Variants in DMD observed in about 807,000 individuals in gnomAD.
The protein encoded by DMD is dystrophin, also known as mutant dystrophin.
In DMD, 63 loss-of-function variants were observed where a neutral mutation model predicts 330.1. That is an observed-to-expected ratio of 0.19 (90% CI 0.16 to 0.24). The LOEUF (loss-of-function observed/expected upper bound fraction) is 0.24, where lower values mean the gene tolerates loss of function less well. Among genes scored for constraint, DMD ranks in the 10% least tolerant of loss-of-function variants. The pLI is 1.00. For missense variants in DMD, 3,344 were observed against 2,684.1 expected (o/e 1.25, Z -5.43); for synonymous variants, 1,223 against 959.8 (o/e 1.27, Z -5.07).
intron 59 of DMD, among the ~76,000 whole-genome samples, chrX:31,470,835 G>T (rs993982370): frequency 8.9e-6 from 1 of 112,262 alleles, no homozygotes; most frequent in Non-Finnish European, 1.9e-5. Flanking sequence ...CTTTCTTTCA[G>T]AGATGCCCTG....
At chrX:32,322,522 C>T (rs892550924) in intron 41 of DMD, among the ~76,000 whole-genome samples, 5 of 110,489 alleles carry the variant, frequency 4.5e-5, no homozygotes, top group African/African-American at 6.6e-5. Flanking sequence ...ATGATTGCAT[C>T]GCGGCACTCC....
chrX:31,893,836 G>A (rs2094293502), intron 47 of DMD, among the ~76,000 whole-genome samples: 1 of 111,484 alleles, frequency 9.0e-6, no homozygotes, highest in Admixed American at 9.5e-5. Flanking sequence ...TATAGAATCC[G>A]AGGGCCTTCC....
intron 55 of DMD, among the ~76,000 whole-genome samples, chrX:31,591,098 A>G (rs1346403314): frequency 8.9e-6 from 1 of 112,152 alleles, no homozygotes; most frequent in Non-Finnish European, 1.9e-5. Context: ...GAAAAAATCT[A>G]ATTAATAACT....
chrX:33,157,745 C>T (rs950034724), intron 1 of DMD, among the ~76,000 whole-genome samples: 2 of 112,237 alleles, frequency 1.8e-5, no homozygotes, highest in Admixed American at 1.9e-4. Context: ...CACCTGAGGT[C>T]AGGGTTGGAG....
chrX:32,050,614 T>G (rs764762003), intron 44 of DMD, among the ~76,000 whole-genome samples: 5 of 111,635 alleles, frequency 4.5e-5, no homozygotes, highest in South Asian at 3.7e-4. Context: ...AATTGTTGAT[T>G]GTAAATGTAA....
At chrX:32,594,637 A>C (rs1210788431) in intron 13 of DMD, among the ~76,000 whole-genome samples, 1 of 111,356 alleles carries the variant, frequency 9.0e-6, no homozygotes, top group African/African-American at 3.3e-5. Flanking sequence ...TAATATACCC[A>C]GGGTATTTGT....
intron 71 of DMD, 130 bp downstream of exon 71, chrX:31,177,802 G>A: frequency 3.3e-6 from 2 of 597,186 alleles, no homozygotes; most frequent in Admixed American, 7.0e-5. Flanking sequence ...CTGAAATGAA[G>A]GAAGGGGAAT....
intron 67 of DMD, among the ~76,000 whole-genome samples, chrX:31,191,087 C>G (rs749788648): frequency 8.9e-5 from 10 of 111,895 alleles, no homozygotes; most frequent in Non-Finnish European, 1.9e-4. Flanking sequence ...ACTGACAACT[C>G]TATGCAGTGT....
rs16989662 is a variant in DMD, at chrX:31,480,326, T to C, written c.8548-1223A>G. On this transcript the variant is annotated intron_variant, in intron 57 of 78. Transcript: ENST00000357033. ...ATCCTGAGTCTGATACTTTGCAAAA[T>C]GATTCATCATCCACAGCTATTTACA... 6.8e-3 allele frequency among the ~76,000 whole-genome samples: 762 copies of C among 111,669 alleles called. 6 individuals are homozygous for C. Among genetic ancestry groups the C allele is most frequent in the African/African-American group, 0.024 (737 of 30,805 alleles).
chrX:32,291,865 G>A (rs1442061208), intron 42 of DMD, among the ~76,000 whole-genome samples: 1 of 111,787 alleles, frequency 8.9e-6, no homozygotes, highest in Non-Finnish European at 1.9e-5. Flanking sequence ...TGGATACATG[G>A]ACTAGGCTTT....
intron 48 of DMD, among the ~76,000 whole-genome samples, chrX:31,867,039 G>C (rs2093809239): frequency 9.3e-6 from 1 of 107,884 alleles, no homozygotes; most frequent in Admixed American, 1.0e-4. Context: ...TTGGATTATT[G>C]GTCTGCTCTT....
At chrX:32,524,692 T>C (rs2046783178) in intron 17 of DMD, among the ~76,000 whole-genome samples, 1 of 112,209 alleles carries the variant, frequency 8.9e-6, no homozygotes, top group African/African-American at 3.2e-5. Flanking sequence ...TGGACACCAG[T>C]TGGCACGTAG....
At chrX:33,318,878 T>G (rs1056141221) in intron 1 of DMD, among the ~76,000 whole-genome samples, 1 of 111,540 alleles carries the variant, frequency 9.0e-6, no homozygotes, top group African/African-American at 3.3e-5. Flanking sequence ...TACATTATTC[T>G]AATTTTGCTT....
intron 13 of DMD, among the ~76,000 whole-genome samples, chrX:32,578,809 C>A (rs767556638): frequency 9.0e-6 from 1 of 111,330 alleles, no homozygotes; most frequent in Admixed American, 9.6e-5. Flanking sequence ...TGCCATGGAC[C>A]ACACAATGCA....
intron 43 of DMD, among the ~76,000 whole-genome samples, chrX:32,259,443 C>T (rs772340170): frequency 9.9e-5 from 11 of 110,785 alleles, no homozygotes; most frequent in African/African-American, 1.6e-4. Flanking sequence ...AAATTTTCCA[C>T]GACGATGTGT....
intron 4 of DMD, among the ~76,000 whole-genome samples, chrX:32,839,262 T>A (rs1198254718): frequency 1.8e-5 from 2 of 111,029 alleles, no homozygotes; most frequent in Non-Finnish European, 3.8e-5. Flanking sequence ...CACCTTAAGG[T>A]CTTTATTACC....
At chrX:31,421,373 C>T (rs1474095696) in intron 60 of DMD, among the ~76,000 whole-genome samples, 3 of 111,953 alleles carry the variant, frequency 2.7e-5, no homozygotes, top group Non-Finnish European at 5.6e-5. Context: ...TCTACGATTT[C>T]TGGGAAAATG....
chrX:32,803,251 G>T (rs2148705287), intron 7 of DMD, among the ~76,000 whole-genome samples: 1 of 111,467 alleles, frequency 9.0e-6, no homozygotes, highest in African/African-American at 3.3e-5. Flanking sequence ...TAGTTTATTT[G>T]CGTGGAGATG....
chrX:33,318,675 G>C (rs1235604941), intron 1 of DMD, among the ~76,000 whole-genome samples: 4 of 109,217 alleles, frequency 3.7e-5, no homozygotes, highest in Non-Finnish European at 5.7e-5. Flanking sequence ...TCGAACTCCT[G>C]ACCTCAAATG....
Sources: gnomAD v4.1 joint callset for allele counts (sites outside exome capture counted in the v4.1 genomes callset) on GRCh38, gnomAD v4.1.1 for gene constraint, MANE v1.5 for transcripts, NCBI Gene and HGNC (gene_info 2026-07-23, HGNC 2026-07-21) for gene names.